Variants in RBFOX1 observed in about 807,000 individuals in gnomAD.
RBFOX1 encodes the protein RNA binding protein fox-1 homolog 1.
A neutral mutation model predicts 57.7 loss-of-function variants in RBFOX1; 8 were observed. The observed-to-expected ratio is 0.14, with a 90% CI of 0.08 to 0.25. The LOEUF is 0.25. Among genes scored for constraint, RBFOX1 ranks in the 10% least tolerant of loss-of-function variants. The probability of loss-of-function intolerance (pLI) is 1.00; values close to 1 mark genes in which losing one functional copy is unlikely to be tolerated. For missense variants in RBFOX1, 611 were observed against 548.5 expected (o/e 1.11, Z -1.14); for synonymous variants, 326 against 222.4 (o/e 1.47, Z -4.15).
At chr16:5,741,278 C>T (rs1331673264) in intron 3 of RBFOX1, among the ~76,000 whole-genome samples, 1 of 152,218 alleles carries the variant, frequency 6.6e-6, no homozygotes, top group Non-Finnish European at 1.5e-5. Flanking sequence ...CTGCAGGAGT[C>T]ATAAGGCCGC....
rs142935125 is a variant in RBFOX1 at position 7,107,565 on chromosome 16, T to C, written c.27+55467T>C. 2.7e-3 allele frequency among the ~76,000 whole-genome samples: 416 copies of C among 152,244 alleles called. 1 individual carries two copies. The highest frequency in any genetic ancestry group is 4.9e-3 in the Non-Finnish European group (331 of 68,010). On this transcript the variant is annotated intron_variant, in intron 4 of 15. Coordinates refer to ENST00000550418, the MANE Select transcript of RBFOX1 (RefSeq NM_018723.4). ...GCATACCTGACAAACTTGACTGTAA[T>C]CAAGGTAGTGAACATCTGTCACCCC...
chr16:5,521,056 A>T (rs78719502), intron 2 of RBFOX1, among the ~76,000 whole-genome samples: 27,316 of 152,226 alleles, frequency 0.18, 2,544 homozygotes, highest in Middle Eastern at 0.35. Context: ...GGACATCAAG[A>T]AGATACTGAA....
intron 2 of RBFOX1, among the ~76,000 whole-genome samples, chr16:6,574,940 A>C (rs1369463057): frequency 1.3e-5 from 2 of 150,396 alleles, no homozygotes; most frequent in Non-Finnish European, 3.0e-5. Flanking sequence ...CGGGAGGCTG[A>C]GGGAGGAGAA....
intron 2 of RBFOX1, chr16:6,483,739 C>A: frequency 7.0e-7 from 1 of 1,430,644 alleles, no homozygotes; most frequent in Non-Finnish European, 9.1e-7. Context: ...TTTTGGCTGC[C>A]TGTGGCAGAG....
At chr16:6,168,319 C>T (rs1009133340) in intron 1 of RBFOX1, among the ~76,000 whole-genome samples, 1 of 152,178 alleles carries the variant, frequency 6.6e-6, no homozygotes, top group Non-Finnish European at 1.5e-5. Context: ...TTTCCCATTA[C>T]AACTGTTTTC....
At chr16:5,283,155 A>T in intron 1 of RBFOX1, among the ~76,000 whole-genome samples, 1 of 152,192 alleles carries the variant, frequency 6.6e-6, no homozygotes, top group East Asian at 1.9e-4. Context: ...GGGTACAAAG[A>T]AGTCAAAAAT....
chr16:6,939,851 G>A (rs1460791258), intron 3 of RBFOX1, among the ~76,000 whole-genome samples: 1 of 152,140 alleles, frequency 6.6e-6, no homozygotes, highest in Non-Finnish European at 1.5e-5. Context: ...GCTGGTGGAA[G>A]ATACATGTCA....
intron 3 of RBFOX1, among the ~76,000 whole-genome samples, chr16:7,021,405 T>G (rs1568404004): frequency 6.8e-6 from 1 of 146,628 alleles, no homozygotes; most frequent in African/African-American, 2.5e-5. Context: ...TAAATTTGTT[T>G]TATGTATGTT....
At chr16:5,755,302 A>G (rs1337708771) in intron 3 of RBFOX1, among the ~76,000 whole-genome samples, 2 of 151,658 alleles carry the variant, frequency 1.3e-5, no homozygotes, top group South Asian at 2.1e-4. Flanking sequence ...TCCTATGTCT[A>G]CTTCTTTCTA....
chr16:7,324,917 T>C (rs1207646642), intron 4 of RBFOX1, among the ~76,000 whole-genome samples: 1 of 152,216 alleles, frequency 6.6e-6, no homozygotes, highest in Non-Finnish European at 1.5e-5. Flanking sequence ...ACTGTTTTGG[T>C]TTCAAAAATT....
chr16:5,734,735 T>A (rs7203949), intron 3 of RBFOX1, among the ~76,000 whole-genome samples: 27,777 of 152,100 alleles, frequency 0.18, 2,752 homozygotes, highest in African/African-American at 0.25. Context: ...TTCCATCTCA[T>A]ACACTGAGCT....
intron 1 of RBFOX1, among the ~76,000 whole-genome samples, chr16:5,312,517 A>G (rs963247672): frequency 6.6e-6 from 1 of 152,096 alleles, no homozygotes; most frequent in Non-Finnish European, 1.5e-5. Flanking sequence ...GGGTTTCACC[A>G]TCTTGGCCAG....
chr16:6,957,116 T>TTTATTTA (rs1555677709), intron 3 of RBFOX1, among the ~76,000 whole-genome samples: 1 of 139,244 alleles, frequency 7.2e-6, no homozygotes, highest in African/African-American at 2.8e-5. Flanking sequence ...TTATTTTTAT[T>TTTATTTA]TTTATTTATT....
At chr16:5,934,588 A>C (rs117275028) in intron 4 of RBFOX1, among the ~76,000 whole-genome samples, 4,611 of 152,296 alleles carry the variant, frequency 0.03, 314 homozygotes, top group East Asian at 0.21. Flanking sequence ...GTTTTAAAAG[A>C]GAAGAGGATA....
intron 4 of RBFOX1, among the ~76,000 whole-genome samples, chr16:7,278,909 G>C (rs947432565): frequency 6.6e-6 from 1 of 152,144 alleles, no homozygotes; most frequent in Admixed American, 6.5e-5. Context: ...CGGGGCTAGA[G>C]AGTGAAGATA....
chr16:6,340,778 C>T (rs1336399191), intron 2 of RBFOX1, among the ~76,000 whole-genome samples: 3 of 152,112 alleles, frequency 2.0e-5, no homozygotes, highest in Non-Finnish European at 4.4e-5. Flanking sequence ...TCCTTACTAT[C>T]TGGGAATGCA....
intron 1 of RBFOX1, among the ~76,000 whole-genome samples, chr16:6,029,728 G>T (rs996400766): frequency 6.9e-6 from 1 of 144,754 alleles, no homozygotes; most frequent in Non-Finnish European, 1.5e-5. Flanking sequence ...AGCCGAGATC[G>T]CGCCACTGTA....
At chr16:5,260,634 A>T (rs1308267557) in intron 1 of RBFOX1, 1 of 152,244 alleles carries the variant, frequency 6.6e-6, no homozygotes, top group African/African-American at 2.4e-5. Context: ...CATCTCATGA[A>T]AAATTTGTAC....
At chr16:6,755,474 T>G (rs2075642504) in intron 3 of RBFOX1, among the ~76,000 whole-genome samples, 1 of 152,218 alleles carries the variant, frequency 6.6e-6, no homozygotes, top group African/African-American at 2.4e-5. Flanking sequence ...CATTTTTTCA[T>G]GTGTTTTTTG....
Sources: allele counts gnomAD v4.1 joint callset (sites outside exome capture counted in the v4.1 genomes callset), GRCh38; gene constraint gnomAD v4.1.1; transcripts MANE v1.5; gene names NCBI Gene and HGNC (gene_info 2026-07-23, HGNC 2026-07-21).